The following CYSLTR1 variants were observed in gnomAD, a reference collection of about 807,000 sequenced individuals.
CYSLTR1 encodes G-protein coupled receptor HG55.
Under a neutral mutation model 2.1 loss-of-function variants are expected in CYSLTR1, and 1 was observed. The ratio of observed to expected loss-of-function variants is 0.48; its 90% confidence interval spans 0.17 to 2.28. The LOEUF (loss-of-function observed/expected upper bound fraction) is 2.28. Ranked by LOEUF, CYSLTR1 falls within the 30% of genes most tolerant of loss-of-function variation. CYSLTR1 has a pLI of 0.26. For missense variants in CYSLTR1, 299 were observed against 250.1 expected, an observed-to-expected ratio of 1.20 and a Z score of -1.32; for synonymous variants, 110 against 89.6, an observed-to-expected ratio of 1.23 and a Z score of -1.28.
chrX:78,304,290 A>AC (rs1248532719), intron 1 of CYSLTR1, among the ~76,000 whole-genome samples: 2 of 111,945 alleles, frequency 1.8e-5, no homozygotes, highest in African/African-American at 6.5e-5. Context: ...CTATAGCACC[A>AC]CCATTCTTCA....
intron 1 of CYSLTR1, among the ~76,000 whole-genome samples, chrX:78,296,681 T>C (rs1361169377): frequency 9.0e-6 from 1 of 111,666 alleles, no homozygotes; most frequent in Non-Finnish European, 1.9e-5. Flanking sequence ...TTAAAATTTC[T>C]TTTTCACATT....
At chrX:78,320,206 T>A (rs1192465962) in intron 1 of CYSLTR1, 2 of 112,195 alleles carry the variant, frequency 1.8e-5, no homozygotes, top group East Asian at 2.8e-4. Flanking sequence ...CTGAATGGTA[T>A]TGCCTATGTT....
At position 78,272,635 on chromosome X, in the gene CYSLTR1, A is replaced by C; in HGVS notation, c.*98T>G. On this transcript the variant is annotated 3_prime_UTR_variant, in exon 3 of 3. Coordinates refer to ENST00000373304, the MANE Select transcript of CYSLTR1 (RefSeq NM_006639.4). ...AGGCCCAAATAGTTAAGTATTTGTA[A>C]AATATTAAGTAAAATTTTTATTTTT... The C allele has an allele frequency of 2.3e-6, 2 of 876,314 alleles. No homozygotes were observed. The highest frequency in any genetic ancestry group is 1.5e-6 in the Non-Finnish European group (1 of 658,201). 72.2% of individuals were successfully genotyped at this position (876,314 alleles called of 1,213,427 possible).
chrX:78,305,173 G>T (rs1164708251), intron 1 of CYSLTR1, among the ~76,000 whole-genome samples: 1 of 111,931 alleles, frequency 8.9e-6, no homozygotes, highest in Non-Finnish European at 1.9e-5. Context: ...GACCATTTTG[G>T]TTCTTGGGCC....
intron 1 of CYSLTR1, chrX:78,320,785 A>G (rs968734306): frequency 1.8e-5 from 2 of 110,935 alleles, no homozygotes; most frequent in African/African-American, 3.3e-5. Context: ...CTTTTATTTC[A>G]TTGAGCAGCG....
At chrX:78,294,217 T>C (rs1922478646) in intron 1 of CYSLTR1, among the ~76,000 whole-genome samples, 1 of 112,782 alleles carries the variant, frequency 8.9e-6, no homozygotes, top group African/African-American at 3.2e-5. Flanking sequence ...GTCAGGACCA[T>C]CAGCTGCAGG....
intron 1 of CYSLTR1, among the ~76,000 whole-genome samples, chrX:78,285,496 CTT>C (rs1466444472): frequency 9.1e-6 from 1 of 109,706 alleles, no homozygotes; most frequent in Non-Finnish European, 1.9e-5. Context: ...AGAAAATTAA[CTT>C]GGCTCTGTCC....
At chrX:78,302,167 G>A (rs1268249476) in intron 1 of CYSLTR1, among the ~76,000 whole-genome samples, 2 of 112,033 alleles carry the variant, frequency 1.8e-5, no homozygotes, top group African/African-American at 6.5e-5. Context: ...TTCAAAGGCA[G>A]AGGAGCCTCA....
At chrX:78,275,055 C>T (rs1477012138) in intron 2 of CYSLTR1, among the ~76,000 whole-genome samples, 23 of 111,213 alleles carry the variant, frequency 2.1e-4, no homozygotes, top group African/African-American at 6.8e-4. Flanking sequence ...GTTAGAATGG[C>T]AATCATTAAA....
chrX:78,277,714 G>T (rs1921657263), intron 2 of CYSLTR1, among the ~76,000 whole-genome samples: 1 of 111,419 alleles, frequency 9.0e-6, no homozygotes, highest in Admixed American at 9.6e-5. Context: ...CTAAACTTAA[G>T]TTATACCACA....
chrX:78,278,328 C>A (rs1434277035), intron 2 of CYSLTR1, among the ~76,000 whole-genome samples: 1 of 111,489 alleles, frequency 9.0e-6, no homozygotes, highest in Non-Finnish European at 1.9e-5. Flanking sequence ...GGAGAGAGAG[C>A]AAGCAACATG....
chrX:78,285,282 A>G (rs749807476), intron 1 of CYSLTR1, among the ~76,000 whole-genome samples: 1 of 110,137 alleles, frequency 9.1e-6, no homozygotes, highest in Admixed American at 9.7e-5. Flanking sequence ...TTAGCCGGGC[A>G]TGGTGGCGGG....
At chrX:78,319,369 G>GT (rs1181917658) in intron 1 of CYSLTR1, 1 of 104,647 alleles carries the variant, frequency 9.6e-6, no homozygotes. Context: ...GCAGTGTTTG[G>GT]TTTTTTGTCC....
chrX:78,278,024 G>A (rs921912705), intron 2 of CYSLTR1, among the ~76,000 whole-genome samples: 17 of 112,082 alleles, frequency 1.5e-4, no homozygotes, highest in Non-Finnish European at 2.3e-4. Flanking sequence ...AGAAGCTCAT[G>A]AATCCAATAA....
intron 1 of CYSLTR1, among the ~76,000 whole-genome samples, chrX:78,298,495 A>G (rs1922673858): frequency 9.0e-6 from 1 of 111,302 alleles, no homozygotes; most frequent in African/African-American, 3.3e-5. Flanking sequence ...TAATTATTGT[A>G]CTGGGGCCTA....
chrX:78,276,577 T>C (rs1921599741), intron 2 of CYSLTR1, among the ~76,000 whole-genome samples: 1 of 110,899 alleles, frequency 9.0e-6, no homozygotes, highest in African/African-American at 3.3e-5. Flanking sequence ...ATTGAGGATG[T>C]AGCGTCCATC....
intron 1 of CYSLTR1, among the ~76,000 whole-genome samples, chrX:78,311,716 A>C (rs1387158663): frequency 1.8e-5 from 2 of 112,126 alleles, no homozygotes; most frequent in African/African-American, 6.5e-5. Context: ...CCAAATCAAG[A>C]ACACAATTCC....
rs1194917838 is a variant in CYSLTR1 at position 78,273,582 on chromosome X, C to T, written c.165G>A (p.Lys55=). ...LYVLIKTYHK[K]SAFQVYMINL... The stretch of plus-strand genomic sequence containing the variant: ...TAATCATGTATACTTGGAAGGCTGA[C>T]TTCTTGTGATAGGTTTTTATGAGGA... Residue 55 remains lysine (K), a synonymous_variant, in exon 3 of 3, where the codon AAG becomes AAA. Transcript: ENST00000373304. The T allele has an allele frequency of 1.7e-6, 2 of 1,209,772 alleles. No homozygotes were observed. Among genetic ancestry groups the T allele is most frequent in the East Asian group, 5.9e-5 (2 of 33,778 alleles).
chrX:78,317,748 T>C (rs1923474211), intron 1 of CYSLTR1, among the ~76,000 whole-genome samples: 1 of 112,209 alleles, frequency 8.9e-6, no homozygotes, highest in Non-Finnish European at 1.9e-5. Context: ...AACATTTATA[T>C]ATTCTCCCTT....
Sources: gnomAD v4.1 joint callset for allele counts (sites outside exome capture counted in the v4.1 genomes callset) on GRCh38, gnomAD v4.1.1 for gene constraint, MANE v1.5 for transcripts, NCBI Gene and HGNC (gene_info 2026-07-23, HGNC 2026-07-21) for gene names.